ZNF892: variants seen among roughly 807,000 people sequenced by gnomAD.
ZNF892 encodes zinc finger protein 892.
chr2:95,263,319 T>TG, the ZNF892 span, among the ~76,000 whole-genome samples: 2 of 152,184 alleles, frequency 1.3e-5, no homozygotes, highest in African/African-American at 4.8e-5. Flanking sequence ...GCCCAAGCCA[T>TG]CAACCCACAC....
chr2:95,243,024 AT>A, the ZNF892 span, among the ~76,000 whole-genome samples: 1 of 151,980 alleles, frequency 6.6e-6, no homozygotes, highest in Non-Finnish European at 1.5e-5. Flanking sequence ...TGGTTTTCGT[AT>A]TTTTTTGGTG....
chr2:95,255,172 G>A, the ZNF892 span, among the ~76,000 whole-genome samples: 2 of 152,110 alleles, frequency 1.3e-5, no homozygotes, highest in African/African-American at 4.8e-5. Flanking sequence ...TATGATGTTA[G>A]GGTGTCAATT....
the ZNF892 span, among the ~76,000 whole-genome samples, chr2:95,250,705 A>C: frequency 6.3e-3 from 837 of 133,440 alleles, 4 homozygotes; most frequent in South Asian, 0.019. Flanking sequence ...ATAAATTTAT[A>C]AATATAAAAT....
At chr2:95,208,570 A>C in the ZNF892 span, 1 of 398,204 alleles carries the variant, frequency 2.5e-6, no homozygotes, top group Non-Finnish European at 4.4e-6. Flanking sequence ...TTAGATGACA[A>C]CTAGCTGGTG....
At chr2:95,254,928 T>G in the ZNF892 span, among the ~76,000 whole-genome samples, 1 of 152,224 alleles carries the variant, frequency 6.6e-6, no homozygotes, top group Non-Finnish European at 1.5e-5. Context: ...GGTGGTGATA[T>G]CCCCTTTATC....
the ZNF892 span, among the ~76,000 whole-genome samples, chr2:95,223,242 A>G: frequency 6.6e-6 from 1 of 152,194 alleles, no homozygotes; most frequent in Non-Finnish European, 1.5e-5. Context: ...TCTATATATT[A>G]TGTCAAGTTT....
chr2:95,235,831 G>T, the ZNF892 span, among the ~76,000 whole-genome samples: 1 of 152,178 alleles, frequency 6.6e-6, no homozygotes, highest in Non-Finnish European at 1.5e-5. Context: ...AAGGGCGGGA[G>T]AAAAATTGGA....
At chr2:95,211,706 ATC>A in the ZNF892 span, 1 of 398,416 alleles carries the variant, frequency 2.5e-6, no homozygotes, top group Admixed American at 4.4e-5. Flanking sequence ...AAGCCTAGGA[ATC>A]TGGTCTTGCT....
chr2:95,240,118 G>GA, the ZNF892 span, among the ~76,000 whole-genome samples: 766 of 141,716 alleles, frequency 5.4e-3, 3 homozygotes, highest in Non-Finnish European at 9.4e-3. Flanking sequence ...GTTCAAGGTT[G>GA]AAAAAAAAAA....
At chr2:95,216,194 C>G in the ZNF892 span, among the ~76,000 whole-genome samples, 4 of 152,084 alleles carry the variant, frequency 2.6e-5, no homozygotes, top group Non-Finnish European at 4.4e-5. Flanking sequence ...TATAGACTTG[C>G]TAGTTGGTCA....
the ZNF892 span, among the ~76,000 whole-genome samples, chr2:95,224,964 G>T: frequency 6.6e-6 from 1 of 152,162 alleles, no homozygotes; most frequent in Non-Finnish European, 1.5e-5. Context: ...CAGCAAGAAG[G>T]CCCTCAACAG....
the ZNF892 span, among the ~76,000 whole-genome samples, chr2:95,261,271 A>G: frequency 6.7e-6 from 1 of 149,962 alleles, no homozygotes; most frequent in Admixed American, 6.6e-5. Flanking sequence ...ACCTCCAACC[A>G]TTTGTCAAAG....
chr2:95,209,013 A>G, the ZNF892 span, among the ~76,000 whole-genome samples: 1 of 152,250 alleles, frequency 6.6e-6, no homozygotes, highest in African/African-American at 2.4e-5. Context: ...TTGCTCCTGC[A>G]TCGTGGAGTT....
At chr2:95,255,277 T>G in the ZNF892 span, among the ~76,000 whole-genome samples, 4 of 152,276 alleles carry the variant, frequency 2.6e-5, no homozygotes, top group Non-Finnish European at 5.9e-5. Flanking sequence ...TGGTATGTTG[T>G]GTCTTTGTTC....
At chr2:95,215,134 G>A in the ZNF892 span, 2 of 476,198 alleles carry the variant, frequency 4.2e-6, no homozygotes, top group East Asian at 3.3e-5. Flanking sequence ...AACGAATGTG[G>A]CAAAGCCTTT....
At chr2:95,243,441 T>C in the ZNF892 span, among the ~76,000 whole-genome samples, 1 of 149,934 alleles carries the variant, frequency 6.7e-6, no homozygotes, top group Admixed American at 6.6e-5. Context: ...ATCTAGGAAG[T>C]GAGGAGCATC....
At chr2:95,221,426 G>A in the ZNF892 span, among the ~76,000 whole-genome samples, 4 of 152,028 alleles carry the variant, frequency 2.6e-5, no homozygotes, top group African/African-American at 4.8e-5. Context: ...AAGAATCCTC[G>A]CACTTCTGGG....
chr2:95,225,106 T>C, the ZNF892 span, among the ~76,000 whole-genome samples: 1 of 152,264 alleles, frequency 6.6e-6, no homozygotes, highest in African/African-American at 2.4e-5. Context: ...GTCTTTGTGA[T>C]TGGCTTCTTT....
the ZNF892 span, among the ~76,000 whole-genome samples, chr2:95,258,070 C>G: frequency 6.6e-6 from 1 of 152,176 alleles, no homozygotes; most frequent in Non-Finnish European, 1.5e-5. Context: ...GCTGCACCCA[C>G]TCTCCTGCAC....
Sources: gnomAD v4.1 joint callset for allele counts (sites outside exome capture counted in the v4.1 genomes callset) on GRCh38, gnomAD v4.1.1 for gene constraint, MANE v1.5 for transcripts, NCBI Gene and HGNC (gene_info 2026-07-23, HGNC 2026-07-21) for gene names.